Variants in CDH4 observed in about 807,000 individuals in gnomAD.
The protein encoded by CDH4 is cadherin 4, also known as cadherin-4.
In CDH4, 33 loss-of-function variants were observed where a neutral mutation model predicts 86.0. The ratio of observed to expected loss-of-function variants is 0.38; its 90% CI spans 0.29 to 0.51. The LOEUF is 0.51. CDH4 is among the 20% of genes least tolerant of loss of function. CDH4 has a pLI of 0.86. For synonymous variants in CDH4, 555 were observed against 549.4 expected (o/e 1.01, Z -0.14); for missense variants, 1,114 against 1,307.4 (o/e 0.85, Z 2.28).
chr20:61,621,638 G>A (rs1159715617), intron 2 of CDH4, among the ~76,000 whole-genome samples: 3 of 152,296 alleles, frequency 2.0e-5, no homozygotes, highest in African/African-American at 7.2e-5. Context: ...GCTGCAGAGG[G>A]AAATATTATT....
intron 2 of CDH4, among the ~76,000 whole-genome samples, chr20:61,350,996 C>T (rs1051810142): frequency 3.3e-5 from 5 of 152,150 alleles, no homozygotes; most frequent in East Asian, 1.9e-4. Flanking sequence ...GCATCCTGAA[C>T]GCCAACAAAC....
chr20:61,374,087 T>C (rs1286803583), intron 2 of CDH4, among the ~76,000 whole-genome samples: 1 of 152,094 alleles, frequency 6.6e-6, no homozygotes, highest in African/African-American at 2.4e-5. Flanking sequence ...ACCCCAAGTT[T>C]TTAAACATCT....
chr20:61,793,972 A>G (rs1979377858), intron 4 of CDH4, among the ~76,000 whole-genome samples: 2 of 109,712 alleles, frequency 1.8e-5, no homozygotes, highest in Admixed American at 9.4e-5. Context: ...CCTCGTCTCT[A>G]CTAAAAATAC....
At chr20:61,852,065 G>A (rs1305634484) in intron 5 of CDH4, among the ~76,000 whole-genome samples, 5 of 152,172 alleles carry the variant, frequency 3.3e-5, no homozygotes, top group African/African-American at 4.8e-5. Flanking sequence ...TTTTCACCTC[G>A]AAGATGGTTC....
intron 2 of CDH4, among the ~76,000 whole-genome samples, chr20:61,280,022 A>C (rs2084250461): frequency 6.6e-6 from 1 of 152,130 alleles, no homozygotes; most frequent in African/African-American, 2.4e-5. Flanking sequence ...GGTTGCCTGC[A>C]GCTGTGTGGG....
chr20:61,331,644 T>TCCTGA (rs1568801169), intron 2 of CDH4, among the ~76,000 whole-genome samples: 217 of 11,878 alleles, frequency 0.018, no homozygotes, highest in Middle Eastern at 0.033. Context: ...CAGACCCACC[T>TCCTGA]CCCGCCCCAG....
intron 2 of CDH4, chr20:61,718,211 T>G: frequency 6.3e-6 from 1 of 158,310 alleles, no homozygotes; most frequent in Non-Finnish European, 1.4e-5. Context: ...GGGTGAAGGG[T>G]ATATGCTGTC....
Position 61,570,826 on chromosome 20 carries a change from C to T in CDH4, c.170-172737C>T. 4.3e-6 allele frequency: 3 copies of T among 700,946 alleles called. No individual in the cohort carries two copies. The Admixed American group carries it at 6.0e-5, about 14-fold the overall frequency. 43.4% of individuals were successfully genotyped at this position (700,946 alleles called of 1,614,324 possible). A position where few individuals can be genotyped will look rare whatever the true frequency, so the allele number is the denominator to read the frequency against. On this transcript the variant is annotated intron_variant, in intron 2 of 15. Transcript: ENST00000614565. ...TCTCTGCCGCGCCAGGGGGTTGCTG[C>T]TGTTTTCTTCCCCTTCCAAGTGTGT... is the stretch of plus-strand genomic sequence containing the variant.
intron 2 of CDH4, among the ~76,000 whole-genome samples, chr20:61,523,081 C>T (rs942064838): frequency 2.0e-4 from 31 of 152,212 alleles, no homozygotes; most frequent in Non-Finnish European, 8.8e-5. Flanking sequence ...AGGTGACAGG[C>T]GGCATGCATC....
intron 2 of CDH4, among the ~76,000 whole-genome samples, chr20:61,633,078 C>T (rs1439040401): frequency 6.6e-6 from 1 of 151,514 alleles, no homozygotes; most frequent in Non-Finnish European, 1.5e-5. Context: ...ATCCATCTAT[C>T]CATCTATCTG....
At chr20:61,442,336 C>T (rs544737524) in intron 2 of CDH4, among the ~76,000 whole-genome samples, 9 of 152,322 alleles carry the variant, frequency 5.9e-5, no homozygotes, top group African/African-American at 9.6e-5. Context: ...TCCGAATACT[C>T]CACTTGCAGA....
At chr20:61,748,095 G>A (rs920817089) in intron 3 of CDH4, among the ~76,000 whole-genome samples, 2 of 152,174 alleles carry the variant, frequency 1.3e-5, no homozygotes, top group African/African-American at 2.4e-5. Flanking sequence ...GGCGTTGTGG[G>A]GGGGTTGGAA....
At chr20:61,690,079 A>T (rs2087636414) in intron 2 of CDH4, among the ~76,000 whole-genome samples, 1 of 145,470 alleles carries the variant, frequency 6.9e-6, no homozygotes, top group East Asian at 2.0e-4. Flanking sequence ...TGGTGAGGTG[A>T]TGTGGATTCT....
intron 2 of CDH4, among the ~76,000 whole-genome samples, chr20:61,717,181 C>A (rs760887691): frequency 2.0e-5 from 3 of 152,188 alleles, no homozygotes; most frequent in Middle Eastern, 3.2e-3. Flanking sequence ...TGCACCAAGT[C>A]CCCCTTGACT....
At chr20:61,258,457 C>T (rs1293570267) in intron 2 of CDH4, among the ~76,000 whole-genome samples, 12 of 152,072 alleles carry the variant, frequency 7.9e-5, no homozygotes, top group African/African-American at 2.4e-4. Context: ...TGTGTACCCT[C>T]GTACCACCCT....
Position 61,576,233 on chromosome 20 carries a change from A to G in CDH4, c.170-167330A>G, listed in dbSNP as rs189416339. Among the ~76,000 whole-genome samples the G allele has an allele frequency of 2.2e-3, 336 of 152,330 alleles. 5 individuals carry two copies. Among genetic ancestry groups the G allele is most frequent in the Non-Finnish European group, 1.6e-3 (107 of 68,028 alleles). ...GTGAACATAAAACAGTTCTTCCTGC[A>G]GCAAGACAGCGACGTGTCAGATTCA... On this transcript the variant is annotated intron_variant, in intron 2 of 15. Coordinates refer to ENST00000614565, the MANE Select transcript of CDH4 (RefSeq NM_001794.5).
chr20:61,563,234 G>A (rs73134570), intron 2 of CDH4, among the ~76,000 whole-genome samples: 4,818 of 152,326 alleles, frequency 0.032, 160 homozygotes, highest in African/African-American at 0.081. Flanking sequence ...GAGTCCCCTT[G>A]CCGGCTCCAG....
At chr20:61,603,159 G>A (rs538627951) in intron 2 of CDH4, among the ~76,000 whole-genome samples, 29 of 152,336 alleles carry the variant, frequency 1.9e-4, no homozygotes, top group African/African-American at 6.5e-4. Context: ...CCTGTGAGCC[G>A]AGTCCAGCTC....
At chr20:61,864,705 G>A (rs989403458) in intron 6 of CDH4, among the ~76,000 whole-genome samples, 1 of 152,178 alleles carries the variant, frequency 6.6e-6, no homozygotes, top group Non-Finnish European at 1.5e-5. Flanking sequence ...AGGACCGAGG[G>A]GGAGGTGGCC....
Sources: allele counts gnomAD v4.1 joint callset (sites outside exome capture counted in the v4.1 genomes callset), GRCh38; gene constraint gnomAD v4.1.1; transcripts MANE v1.5; gene names NCBI Gene and HGNC (gene_info 2026-07-23, HGNC 2026-07-21).